Variants in GPNMB observed in about 807,000 individuals in gnomAD.
GPNMB encodes the protein transmembrane glycoprotein NMB.
In GPNMB, 71 loss-of-function variants were observed where a neutral mutation model predicts 57.3. The observed-to-expected ratio is 1.24, with a 90% CI of 1.02 to 1.51. The LOEUF is 1.51. Among genes scored for constraint, GPNMB ranks in the 40% most tolerant of loss-of-function variants. The probability of loss-of-function intolerance (pLI) is 0.00; values close to 1 mark genes in which losing one functional copy is unlikely to be tolerated. For synonymous variants in GPNMB, 253 were observed against 263.2 expected, an observed-to-expected ratio of 0.96 and a Z score of 0.38; for missense variants, 677 against 691.9, an observed-to-expected ratio of 0.98 and a Z score of 0.24.
chr7:23,261,987 C>G (rs1405866717), intron 6 of GPNMB, among the ~76,000 whole-genome samples: 1 of 152,092 alleles, frequency 6.6e-6, no homozygotes, highest in South Asian at 2.1e-4. Context: ...CTCAGCACCC[C>G]AGGATCCTGG....
chr7:23,248,316 G>A (rs1782583968), intron 1 of GPNMB, among the ~76,000 whole-genome samples: 2 of 152,024 alleles, frequency 1.3e-5, no homozygotes, highest in Admixed American at 6.5e-5. Flanking sequence ...CCCGATGGGG[G>A]ACACCTGCTA....
intron 9 of GPNMB, among the ~76,000 whole-genome samples, chr7:23,272,033 G>A (rs1783219552): frequency 6.6e-6 from 1 of 152,136 alleles, no homozygotes; most frequent in Non-Finnish European, 1.5e-5. Flanking sequence ...GGGCCTGGGT[G>A]GAGAGCCGGG....
At chr7:23,264,601 T>C (rs191982765) in intron 6 of GPNMB, among the ~76,000 whole-genome samples, 8 of 152,236 alleles carry the variant, frequency 5.3e-5, no homozygotes, top group South Asian at 4.1e-4. Context: ...GGTCTCGAAC[T>C]CCTGACCTCA....
chr7:23,268,022 G>A (rs1783112101), intron 8 of GPNMB, 34 bp downstream of exon 8: 1 of 962,754 alleles, frequency 1.0e-6, no homozygotes, highest in Admixed American at 2.0e-5. Context: ...GGCATGGGTG[G>A]GTCAACTGAG....
At chr7:23,252,879 G>A (rs927321448) in intron 1 of GPNMB, among the ~76,000 whole-genome samples, 2 of 152,114 alleles carry the variant, frequency 1.3e-5, no homozygotes, top group African/African-American at 4.8e-5. Flanking sequence ...CCTGGTACTA[G>A]TACGTGTCGC....
intron 6 of GPNMB, among the ~76,000 whole-genome samples, chr7:23,263,869 AAAAAATATGTTCTCTCTG>A (rs1782991856): frequency 2.2e-5 from 1 of 45,160 alleles, no homozygotes; most frequent in African/African-American, 2.7e-4. Flanking sequence ...TTGTTTGGCC[AAAAAATATGTTCTCTCTG>A]CTTTGGTAAG....
rs769481253 is a variant in GPNMB at position 23,270,183 on chromosome 7, T to C, written c.1429+8T>C. On this transcript the variant is annotated splice_region_variant and intron_variant, in intron 9 of 10. Coordinates refer to ENST00000258733, the MANE Select transcript of GPNMB (RefSeq NM_002510.3). Reference sequence around the variant, plus strand: ...TTTCTGTTCCTGACAGAGGTGAGTTTTGTTTTATGGCCATATGAGCATTTC... The same window carrying C: ...TTTCTGTTCCTGACAGAGGTGAGTTCTGTTTTATGGCCATATGAGCATTTC... The C allele has an allele frequency of 6.2e-7, 1 of 1,604,386 alleles. No homozygotes were observed. Among genetic ancestry groups the C allele is most frequent in the Middle Eastern group, 1.7e-4 (1 of 6,040 alleles).
intron 9 of GPNMB, chr7:23,273,272 T>A (rs1158868731): frequency 2.4e-6 from 1 of 425,046 alleles, no homozygotes; most frequent in Non-Finnish European, 4.2e-6. Context: ...CCTGAGCAGG[T>A]GTCTCCAGGA....
chr7:23,272,716 C>G (rs1408348786), intron 9 of GPNMB, among the ~76,000 whole-genome samples: 4 of 152,188 alleles, frequency 2.6e-5, no homozygotes, highest in Admixed American at 2.0e-4. Flanking sequence ...TATCCCTGAG[C>G]ATCTACTCCA....
chr7:23,270,066 G>C lies in GPNMB; in HGVS notation c.1320G>C (p.Leu440=), dbSNP rs755448772. The C allele has an allele frequency of 6.2e-7, 1 of 1,614,080 alleles. No homozygotes were observed. The highest frequency in any genetic ancestry group is 8.5e-7 in the Non-Finnish European group (1 of 1,179,970). Residue 440 remains leucine (L), a synonymous_variant, in exon 9 of 11, where the codon CTG becomes CTC. Transcript: ENST00000258733. ...TGGATGTGGATGAGATGTGTCTGCT[G>C]ACTGTGAGACGAACCTTCAATGGGT... ...SPVDVDEMCL[L]TVRRTFNGSG...
chr7:23,260,278 T>C lies in GPNMB; in HGVS notation c.700+140T>C, dbSNP rs1333683974. ...CTAAGCTTGTGTATTTAATTAGTTG[T>C]AGTTCATCTGTTTTCCAGAATAGCT... On this transcript the variant is annotated intron_variant, in intron 5 of 10. Transcript: ENST00000258733. 8 of 1,041,828 alleles carry C rather than the reference T, an allele frequency of 7.7e-6. No homozygotes were observed. In the East Asian group the frequency reaches 1.9e-4, roughly 25 times the overall value. The allele number at this position is 1,041,828 out of a possible 1,614,324, so 64.5% of individuals were successfully genotyped here. A position where few individuals can be genotyped will look rare whatever the true frequency, so the allele number is the denominator to read the frequency against.
chr7:23,255,062 A>C (rs1267707346), intron 3 of GPNMB, among the ~76,000 whole-genome samples: 3 of 152,188 alleles, frequency 2.0e-5, no homozygotes, highest in African/African-American at 7.2e-5. Context: ...CTTGTCACCC[A>C]GGCTGGAGTG....
In GPNMB at chr7:23,266,678, T is replaced by G; in HGVS notation, c.1117+63T>G. 5.4e-6 allele frequency: 8 copies of G among 1,495,092 alleles called. No individual in the cohort carries two copies. The South Asian group carries it at 7.2e-5, about 14-fold the overall frequency. 92.6% of individuals were successfully genotyped at this position (1,495,092 alleles called of 1,614,324 possible). On this transcript the variant is annotated intron_variant, in intron 7 of 10. Transcript: ENST00000258733. The stretch of plus-strand genomic sequence containing the variant: ...AGACTCCACCTAGGGTCACCCACTC[T>G]CTCTGCTAACTCTGAAGGGGTAGAG...
intron 1 of GPNMB, among the ~76,000 whole-genome samples, chr7:23,249,589 A>T (rs903959590): frequency 6.6e-6 from 1 of 152,190 alleles, no homozygotes; most frequent in African/African-American, 2.4e-5. Context: ...TTAAAACCCA[A>T]CATAATTTCC....
In GPNMB at chr7:23,247,016, A is replaced by T; in HGVS notation, c.70+89A>T. The T allele has an allele frequency of 4.1e-6, 4 of 976,250 alleles. No homozygotes were observed. In the South Asian group the frequency reaches 5.2e-5, roughly 13 times the overall value. 60.5% of individuals were successfully genotyped at this position (976,250 alleles called of 1,614,324 possible). A position where few individuals can be genotyped will look rare whatever the true frequency, so the allele number is the denominator to read the frequency against. ...TAATATCCTCTGAACTAGAGGTTGG[A>T]CTGAAGTTCTTCAGGAAGCTTTCAT... is the stretch of plus-strand genomic sequence containing the variant. On this transcript the variant is annotated intron_variant, in intron 1 of 10. Transcript: ENST00000258733.
intron 6 of GPNMB, among the ~76,000 whole-genome samples, chr7:23,263,612 CAAAAAAAAA>C (rs750640697): frequency 3.2e-5 from 2 of 63,014 alleles, no homozygotes; most frequent in Admixed American, 1.7e-4. Context: ...AACTCTGTCT[CAAAAAAAAA>C]AAAAAAAAAA....
In GPNMB at chr7:23,256,955, G is replaced by A. The variant is rs1395725523; in HGVS notation, c.431G>A (p.Gly144Glu). 6.2e-7 allele frequency: 1 copy of A among 1,614,034 alleles called. No homozygotes were observed. Among genetic ancestry groups the A allele is most frequent in the Non-Finnish European group, 8.5e-7 (1 of 1,179,976 alleles). ...NWTAWSEDSD[G>E]ENGTGQSHHN... ...ACAGCATGGTCAGAGGACAGTGACGGGGAAAATGGCACCGGCCAAAGCCAT... is the reference window on the plus strand; with the variant it reads ...ACAGCATGGTCAGAGGACAGTGACGAGGAAAATGGCACCGGCCAAAGCCAT... Residue 144 changes from glycine to glutamate, a missense_variant, in exon 4 of 11, where the codon GGG becomes GAG. Physicochemically the swap from Gly to Glu is moderately conservative, Grantham distance 98. Transcript: ENST00000258733.
In GPNMB at chr7:23,254,235, C is replaced by T. The variant is rs202078752; in HGVS notation, c.290C>T (p.Ala97Val). 1.7e-4 allele frequency: 270 copies of T among 1,613,444 alleles called. 3 individuals carry two copies. In the East Asian group the frequency reaches 4.3e-3, roughly 26 times the overall value. ...PALVGSNITF[A>V]VNLIFPRCQK... ...CTCGTGGGCTCAAATATAACATTTG[C>T]GGTGAACCTGATATTCCCTAGATGC... Residue 97 changes from alanine to valine, a missense_variant, in exon 3 of 11, where the codon GCG becomes GTG. Ala to Val is a moderately conservative substitution (Grantham distance 64). Transcript: ENST00000258733.
intron 1 of GPNMB, among the ~76,000 whole-genome samples, chr7:23,250,362 T>C (rs1782633012): frequency 6.6e-6 from 1 of 152,224 alleles, no homozygotes; most frequent in South Asian, 2.1e-4. Context: ...AGATTTCACC[T>C]ATGCTTTTTG....
Sources: gnomAD v4.1 joint callset for allele counts (sites outside exome capture counted in the v4.1 genomes callset) on GRCh38, gnomAD v4.1.1 for gene constraint, MANE v1.5 for transcripts, NCBI Gene and HGNC (gene_info 2026-07-23, HGNC 2026-07-21) for gene names.